Variants in LRRN2 observed in about 807,000 individuals in gnomAD.
LRRN2 encodes leucine rich repeat neuronal 2.
Under a neutral mutation model 35.7 loss-of-function variants are expected in LRRN2, and 10 were observed. That is an observed-to-expected ratio of 0.28 (90% confidence interval 0.17 to 0.47). LRRN2 has a LOEUF of 0.47. LRRN2 is among the 20% of genes least tolerant of loss of function. LRRN2 has a pLI of 0.99. For missense variants in LRRN2, 731 were observed against 940.3 expected (o/e 0.78, Z 2.91); for synonymous variants, 391 against 409.6 (o/e 0.95, Z 0.55).
At chr1:204,635,856 G>A (rs763825908) in intron 1 of LRRN2, among the ~76,000 whole-genome samples, 2 of 152,220 alleles carry the variant, frequency 1.3e-5, no homozygotes, top group Non-Finnish European at 2.9e-5. Flanking sequence ...CCTTCCTGCC[G>A]TGTAACAACC....
chr1:204,675,208 G>A (rs1668800564), intron 1 of LRRN2, among the ~76,000 whole-genome samples: 1 of 152,146 alleles, frequency 6.6e-6, no homozygotes, highest in Non-Finnish European at 1.5e-5. Flanking sequence ...ATCCCTCCGG[G>A]GTGGCTGGGA....
intron 1 of LRRN2, among the ~76,000 whole-genome samples, chr1:204,673,071 T>C (rs576989277): frequency 6.6e-6 from 1 of 152,116 alleles, no homozygotes; most frequent in Non-Finnish European, 1.5e-5. Flanking sequence ...GGGCCCTCCC[T>C]CTCCCTCTGT....
At chr1:204,638,475 G>C (rs962653767) in intron 1 of LRRN2, among the ~76,000 whole-genome samples, 1 of 139,620 alleles carries the variant, frequency 7.2e-6, no homozygotes, top group Non-Finnish European at 1.5e-5. Context: ...GCAGTGGTGC[G>C]ATCTCGGTTC....
At chr1:204,661,324 T>C (rs1459711810) in intron 1 of LRRN2, among the ~76,000 whole-genome samples, 2 of 152,170 alleles carry the variant, frequency 1.3e-5, no homozygotes, top group Non-Finnish European at 2.9e-5. Flanking sequence ...ACATGTTGTT[T>C]TATATCTTGA....
chr1:204,675,980 C>T (rs955747011), intron 1 of LRRN2, among the ~76,000 whole-genome samples: 3 of 152,294 alleles, frequency 2.0e-5, no homozygotes, highest in African/African-American at 7.2e-5. Context: ...GGTCTCTATG[C>T]CCACCAGAAA....
intron 1 of LRRN2, among the ~76,000 whole-genome samples, chr1:204,669,472 T>C (rs978220419): frequency 6.6e-6 from 1 of 152,248 alleles, no homozygotes; most frequent in Non-Finnish European, 1.5e-5. Context: ...CCTAGTGGCA[T>C]AGATGGACAT....
At chr1:204,627,786 A>T (rs1667509520) in intron 1 of LRRN2, among the ~76,000 whole-genome samples, 1 of 152,210 alleles carries the variant, frequency 6.6e-6, no homozygotes, top group Admixed American at 6.5e-5. Flanking sequence ...CTGGGCTCCC[A>T]TGATGCCCTA....
At position 204,680,629 on chromosome 1, in the gene LRRN2, C is replaced by T. The variant is rs556843458; in HGVS notation, c.-227+4691G>A. Among the ~76,000 whole-genome samples, 5 of 152,288 alleles carry T rather than the reference C, an allele frequency of 3.3e-5. No individual in the cohort carries two copies. In the South Asian group the frequency reaches 1.0e-3, roughly 32 times the overall value. ...GGAGCCCAAGGTCATGAGGCTAACC[C>T]CCAGCAGGGATGCACCAGGTCCCCT... On this transcript the variant is annotated intron_variant, in intron 1 of 1. Coordinates refer to ENST00000367177, the MANE Select transcript of LRRN2 (RefSeq NM_201630.2).
At chr1:204,648,298 G>A (rs1668152770) in intron 1 of LRRN2, among the ~76,000 whole-genome samples, 1 of 152,210 alleles carries the variant, frequency 6.6e-6, no homozygotes, top group Non-Finnish European at 1.5e-5. Context: ...AGAAGAAGCT[G>A]TAACCTCTCC....
At chr1:204,655,268 T>G (rs1206048755) in intron 1 of LRRN2, among the ~76,000 whole-genome samples, 17 of 152,174 alleles carry the variant, frequency 1.1e-4, no homozygotes, top group Admixed American at 1.0e-3. Context: ...TCACCAAATT[T>G]ATGCTCTACA....
chr1:204,677,239 C>G (rs1054133546), intron 1 of LRRN2, among the ~76,000 whole-genome samples: 5 of 152,212 alleles, frequency 3.3e-5, no homozygotes. Flanking sequence ...ACAAAAGCCC[C>G]AGGGTCAGCC....
chr1:204,671,560 T>G (rs375533757), intron 1 of LRRN2, among the ~76,000 whole-genome samples: 1 of 143,168 alleles, frequency 7.0e-6, no homozygotes, highest in East Asian at 2.1e-4. Context: ...TTTAGGATAT[T>G]GGCAGGAGGA....
chr1:204,681,271 T>C (rs559042084), intron 1 of LRRN2, among the ~76,000 whole-genome samples: 67 of 152,288 alleles, frequency 4.4e-4, no homozygotes, highest in African/African-American at 1.5e-3. Flanking sequence ...TTTTATCTGC[T>C]TATCCCTATA....
intron 1 of LRRN2, among the ~76,000 whole-genome samples, chr1:204,675,097 CT>C (rs1668798312): frequency 6.6e-6 from 1 of 152,170 alleles, no homozygotes. Context: ...AAAACCACTC[CT>C]TCCTGGGCCT....
intron 1 of LRRN2, among the ~76,000 whole-genome samples, chr1:204,650,707 A>G (rs886251858): frequency 6.6e-6 from 1 of 152,218 alleles, no homozygotes; most frequent in African/African-American, 2.4e-5. Flanking sequence ...TCACTCACTC[A>G]TTCAACAAAC....
intron 1 of LRRN2, among the ~76,000 whole-genome samples, chr1:204,630,210 C>T (rs951522319): frequency 1.3e-5 from 2 of 152,000 alleles, no homozygotes; most frequent in African/African-American, 2.4e-5. Flanking sequence ...AGGGAAGCAC[C>T]ACTGCTTTCG....
At chr1:204,654,033 CAA>C (rs56179230) in intron 1 of LRRN2, among the ~76,000 whole-genome samples, 11,415 of 84,102 alleles carry the variant, frequency 0.14, 623 homozygotes, top group African/African-American at 0.31. Flanking sequence ...GAGACCCTGA[CAA>C]AAAAAAAAAA....
rs76615276 is a variant in LRRN2 at position 204,634,497 on chromosome 1, G to A, written c.-226-14279C>T. Reference sequence around the variant, plus strand: ...TCTGAAGATGTAATCATCTGATGATGAGGCTGTTATGGAAGGCCCTAATTC... The same window carrying A: ...TCTGAAGATGTAATCATCTGATGATAAGGCTGTTATGGAAGGCCCTAATTC... On this transcript the variant is annotated intron_variant, in intron 1 of 1. Transcript: ENST00000367177. 6.5e-3 allele frequency among the ~76,000 whole-genome samples: 997 copies of A among 152,332 alleles called. 10 individuals carry two copies. Among genetic ancestry groups the A allele is most frequent in the Middle Eastern group, 0.014 (4 of 294 alleles).
chr1:204,642,064 CT>C (rs1350627726), intron 1 of LRRN2, among the ~76,000 whole-genome samples: 1 of 152,170 alleles, frequency 6.6e-6, no homozygotes, highest in Non-Finnish European at 1.5e-5. Flanking sequence ...GGTAAAGCAG[CT>C]TGGAGGGGAG....
Sources: allele counts gnomAD v4.1 joint callset (sites outside exome capture counted in the v4.1 genomes callset), GRCh38; gene constraint gnomAD v4.1.1; transcripts MANE v1.5; gene names NCBI Gene and HGNC (gene_info 2026-07-23, HGNC 2026-07-21).